The following OTOGL variants were observed in gnomAD, a reference collection of about 807,000 sequenced individuals.
The protein encoded by OTOGL is otogelin like.
OTOGL carries 285 observed loss-of-function variants against 318.5 expected under a neutral mutation model. The ratio of observed to expected loss-of-function variants is 0.89; its 90% CI spans 0.81 to 0.99. OTOGL has a LOEUF of 0.99. OTOGL is among the 50% of genes least tolerant of loss of function. OTOGL has a pLI of 0.00. For missense variants in OTOGL, 2,899 were observed against 2,845.6 expected, an observed-to-expected ratio of 1.02 and a Z score of -0.43; for synonymous variants, 987 against 936.5, an observed-to-expected ratio of 1.05 and a Z score of -0.99.
At chr12:80,346,150 T>A (rs996916380) in intron 44 of OTOGL, among the ~76,000 whole-genome samples, 4 of 152,114 alleles carry the variant, frequency 2.6e-5, no homozygotes, top group Admixed American at 6.5e-5. Context: ...GTATTTCTTT[T>A]TCTCTCAAAG....
At chr12:80,102,143 C>A (rs1869177262) in intron 1 of OTOGL, among the ~76,000 whole-genome samples, 1 of 152,166 alleles carries the variant, frequency 6.6e-6, no homozygotes, top group Admixed American at 6.5e-5. Context: ...TGTGCACTTA[C>A]TAACTGTGTG....
chr12:80,259,734 AG>A (rs1346321548), intron 18 of OTOGL, among the ~76,000 whole-genome samples: 3 of 152,092 alleles, frequency 2.0e-5, no homozygotes, highest in Admixed American at 6.6e-5. Flanking sequence ...ATGGCTGCAT[AG>A]TACCACATTT....
rs371747568 is a variant in OTOGL at position 80,310,622 on chromosome 12, A to C, written c.3345A>C (p.Pro1115=). The C allele has an allele frequency of 9.2e-5, 146 of 1,588,138 alleles. No homozygotes were observed. Among genetic ancestry groups the C allele is most frequent in the Non-Finnish European group, 1.2e-4 (141 of 1,170,112 alleles). ...AATTTTTTCAACAGTGTGAAAGTCC[A>C]GATGAAACAATTAAACCCTGTGAGG... is the stretch of plus-strand genomic sequence containing the variant. The part of the protein sequence containing the change: ...DSWALGQCES[P]DETIKPCEAH... The change falls in exon 30 of 59, where the codon CCA becomes CCC. Residue 1115 remains proline, a synonymous_variant. Coordinates refer to ENST00000547103, the MANE Select transcript of OTOGL (RefSeq NM_001378609.3).
In OTOGL at chr12:80,167,389, A is replaced by G. The variant is rs115028408; in HGVS notation, c.-19-42024A>G. ...AAGGCTTTTTTAAAAATCAAGAATAATATCATCAGATTTTATTTTTGGAAG... is the reference window on the plus strand; with the variant it reads ...AAGGCTTTTTTAAAAATCAAGAATAGTATCATCAGATTTTATTTTTGGAAG... On this transcript the variant is annotated intron_variant, in intron 1 of 58. Coordinates refer to ENST00000547103, the MANE Select transcript of OTOGL (RefSeq NM_001378609.3). Among the ~76,000 whole-genome samples the G allele has an allele frequency of 1.9e-3, 293 of 152,304 alleles. 1 individual carries two copies. The highest frequency in any genetic ancestry group is 6.7e-3 in the African/African-American group (277 of 41,570).
intron 34 of OTOGL, 123 bp downstream of exon 34, chr12:80,320,823 A>G: frequency 9.7e-7 from 1 of 1,033,340 alleles, no homozygotes; most frequent in South Asian, 1.7e-5. Context: ...TATGACCTTA[A>G]GTAAGTGTCT....
At chr12:80,217,861 T>G (rs1877896106) in intron 5 of OTOGL, among the ~76,000 whole-genome samples, 197 bp downstream of exon 5, 1 of 152,198 alleles carries the variant, frequency 6.6e-6, no homozygotes, top group Non-Finnish European at 1.5e-5. Flanking sequence ...GGCCAAACAT[T>G]TAGACAAACC....
chr12:80,203,856 A>G (rs1876628237), intron 1 of OTOGL, among the ~76,000 whole-genome samples: 1 of 152,210 alleles, frequency 6.6e-6, no homozygotes, highest in Admixed American at 6.5e-5. Context: ...ATGAGAAAAT[A>G]TGAGATGCCG....
chr12:80,254,892 C>A, intron 15 of OTOGL, 148 bp from the exon 16 acceptor site: 1 of 630,572 alleles, frequency 1.6e-6, no homozygotes, highest in Non-Finnish European at 2.4e-6. Flanking sequence ...AAATACAACA[C>A]AGTAGATTTT....
chr12:80,358,974 C>T lies in OTOGL; in HGVS notation c.6267+74C>T, dbSNP rs927303082. The T allele has an allele frequency of 1.3e-5, 16 of 1,207,592 alleles. No homozygotes were observed. The African/African-American group carries it at 2.3e-4, about 17-fold the overall frequency. 74.8% of individuals were successfully genotyped at this position (1,207,592 alleles called of 1,614,324 possible). A position where few individuals can be genotyped will look rare whatever the true frequency, so the allele number is the denominator to read the frequency against. ...TATTCTTCCTTTATCTCTCTCATTT[C>T]TAAATTCTTCTTAGAGTTAATAAAA... On this transcript the variant is annotated intron_variant, in intron 52 of 58. Transcript: ENST00000547103.
chr12:80,296,155 C>T (rs1174191111), intron 26 of OTOGL, among the ~76,000 whole-genome samples: 1 of 152,186 alleles, frequency 6.6e-6, no homozygotes, highest in African/African-American at 2.4e-5. Flanking sequence ...AATTTCTTTA[C>T]AAGTGGCATC....
chr12:80,259,169 C>A (rs1026629326), intron 18 of OTOGL, among the ~76,000 whole-genome samples: 5 of 149,734 alleles, frequency 3.3e-5, no homozygotes, highest in Non-Finnish European at 3.0e-5. Flanking sequence ...ATAAATAAAT[C>A]AACTATTATA....
At chr12:80,190,094 T>C (rs1026507818) in intron 1 of OTOGL, among the ~76,000 whole-genome samples, 1 of 152,144 alleles carries the variant, frequency 6.6e-6, no homozygotes, top group Non-Finnish European at 1.5e-5. Flanking sequence ...AGCAATGCAG[T>C]AGTTTTTATG....
intron 26 of OTOGL, among the ~76,000 whole-genome samples, chr12:80,285,698 C>T (rs545626433): frequency 6.6e-6 from 1 of 152,184 alleles, no homozygotes; most frequent in African/African-American, 2.4e-5. Flanking sequence ...TATAAGAATG[C>T]TTGTGATTTT....
At chr12:80,163,945 A>T (rs541225679) in intron 1 of OTOGL, among the ~76,000 whole-genome samples, 1 of 152,312 alleles carries the variant, frequency 6.6e-6, no homozygotes, top group East Asian at 1.9e-4. Context: ...GACAAAGGCC[A>T]CAGATAAAAG....
chr12:80,186,717 G>A (rs1875318775), intron 1 of OTOGL, among the ~76,000 whole-genome samples: 1 of 151,928 alleles, frequency 6.6e-6, no homozygotes, highest in Non-Finnish European at 1.5e-5. Flanking sequence ...CTTGTTTGGG[G>A]AGGTCTTATT....
chr12:80,321,478 T>A (rs2137836644), intron 34 of OTOGL, among the ~76,000 whole-genome samples: 1 of 152,128 alleles, frequency 6.6e-6, no homozygotes, highest in African/African-American at 2.4e-5. Flanking sequence ...TAATGTTAAA[T>A]GACAAGTTAA....
At chr12:80,175,419 AG>A (rs972926698) in intron 1 of OTOGL, among the ~76,000 whole-genome samples, 6 of 152,180 alleles carry the variant, frequency 3.9e-5, no homozygotes, top group African/African-American at 1.4e-4. Flanking sequence ...TGTGTTTCTA[AG>A]GGTGAATCAG....
intron 26 of OTOGL, among the ~76,000 whole-genome samples, chr12:80,279,684 C>T (rs1166948824): frequency 6.6e-6 from 1 of 151,766 alleles, no homozygotes; most frequent in South Asian, 2.1e-4. Flanking sequence ...TTTATCCTTT[C>T]CACTGTTGAT....
At chr12:80,244,008 A>G (rs189796381) in intron 11 of OTOGL, among the ~76,000 whole-genome samples, 5 of 151,150 alleles carry the variant, frequency 3.3e-5, no homozygotes, top group Non-Finnish European at 5.9e-5. Context: ...CTTCTTCATC[A>G]TGGCACCCAG....
Sources: allele counts gnomAD v4.1 joint callset (sites outside exome capture counted in the v4.1 genomes callset), GRCh38; gene constraint gnomAD v4.1.1; transcripts MANE v1.5; gene names NCBI Gene and HGNC (gene_info 2026-07-23, HGNC 2026-07-21).